Variants in ATP8A1 observed in about 807,000 individuals in gnomAD.
ATP8A1 encodes the protein ATPase phospholipid transporting 8A1, also known as phospholipid-transporting ATPase IA.
A neutral mutation model predicts 177.7 loss-of-function variants in ATP8A1; 90 were observed. The ratio of observed to expected loss-of-function variants is 0.51; its 90% CI spans 0.43 to 0.60. The LOEUF is 0.60. ATP8A1 is among the 20% of genes least tolerant of loss of function. ATP8A1 has a pLI of 0.00. For synonymous variants in ATP8A1, 493 were observed against 485.9 expected, an observed-to-expected ratio of 1.01 and a Z score of -0.19; for missense variants, 1,072 against 1,392.8, an observed-to-expected ratio of 0.77 and a Z score of 3.67.
chr4:42,436,317 G>T (rs1715993539), intron 33 of ATP8A1, among the ~76,000 whole-genome samples: 1 of 74,688 alleles, frequency 1.3e-5, no homozygotes, highest in Non-Finnish European at 2.9e-5. Context: ...CACATTAGAC[G>T]CTCGATCTAC....
At chr4:42,648,496 T>A (rs779824755) in intron 1 of ATP8A1, among the ~76,000 whole-genome samples, 29 of 152,094 alleles carry the variant, frequency 1.9e-4, no homozygotes, top group Non-Finnish European at 3.2e-4. Flanking sequence ...GTAAATAATT[T>A]GAGGAAAAAC....
rs16854542 is a variant in ATP8A1 at position 42,583,486 on chromosome 4, G to T, written c.723-1754C>A. Among the ~76,000 whole-genome samples the T allele has an allele frequency of 9.8e-3, 1,499 of 152,304 alleles. 17 individuals are homozygous for T. The highest frequency in any genetic ancestry group is 0.033 in the African/African-American group (1,380 of 41,562). On this transcript the variant is annotated intron_variant, in intron 9 of 36. Transcript: ENST00000381668. ...AACTGTTCCTTACCCAGCCAATGGG[G>T]TATAATATGGCAACTGTCACCTCAG... is the stretch of plus-strand genomic sequence containing the variant.
At chr4:42,605,026 A>T (rs1473665561) in intron 5 of ATP8A1, among the ~76,000 whole-genome samples, 1 of 152,248 alleles carries the variant, frequency 6.6e-6, no homozygotes, top group African/African-American at 2.4e-5. Flanking sequence ...GAAGAAAGAA[A>T]GACTGACTGT....
intron 20 of ATP8A1, among the ~76,000 whole-genome samples, chr4:42,531,897 C>G (rs541980959): frequency 6.7e-4 from 102 of 152,070 alleles, no homozygotes; most frequent in Non-Finnish European, 1.2e-3. Flanking sequence ...GGTAGGCATT[C>G]AAGACCTGCC....
intron 24 of ATP8A1, among the ~76,000 whole-genome samples, chr4:42,499,222 C>T (rs1301479201): frequency 6.6e-6 from 1 of 152,168 alleles, no homozygotes; most frequent in Non-Finnish European, 1.5e-5. Flanking sequence ...AGCTTGGGAA[C>T]ACTGACTGCA....
chr4:42,509,302 T>G (rs573944914), intron 22 of ATP8A1, among the ~76,000 whole-genome samples: 1 of 152,180 alleles, frequency 6.6e-6, no homozygotes, highest in African/African-American at 2.4e-5. Context: ...CTCGGCCAGA[T>G]AGTTTTACAT....
At chr4:42,462,087 T>C (rs971404615) in intron 27 of ATP8A1, among the ~76,000 whole-genome samples, 8 of 152,148 alleles carry the variant, frequency 5.3e-5, no homozygotes, top group Non-Finnish European at 1.2e-4. Context: ...GCATTCAGTT[T>C]TGTAAGGGAA....
rs114499366 is a variant in ATP8A1 at position 42,520,613 on chromosome 4, C to T, written c.1947+1547G>A. Among the ~76,000 whole-genome samples, 1,200 of 152,048 alleles carry T rather than the reference C, an allele frequency of 7.9e-3. 16 individuals are homozygous for T. The highest frequency in any genetic ancestry group is 0.027 in the African/African-American group (1,130 of 41,480). ...AGGCAAGAGAGACATTGAAATAAGTCAACTGATAACAAGTCTCCTGGTGTG... is the reference window on the plus strand; with the variant it reads ...AGGCAAGAGAGACATTGAAATAAGTTAACTGATAACAAGTCTCCTGGTGTG... On this transcript the variant is annotated intron_variant, in intron 22 of 36. Transcript: ENST00000381668.
rs1357140364 is a variant in ATP8A1 at position 42,408,513 on chromosome 4, A to C, written c.*4403T>G. ...ATAGAAATAATATTACTCAATTTTA[A>C]TAACTATAAAACACAGTGCATCAAA... On this transcript the variant is annotated 3_prime_UTR_variant, in exon 37 of 37. Transcript: ENST00000381668. 1 of 152,228 alleles carries C rather than the reference A, an allele frequency of 6.6e-6. No homozygotes were observed. The highest frequency in any genetic ancestry group is 1.5e-5 in the Non-Finnish European group (1 of 68,036). The allele number at this position is 152,228 out of a possible 1,614,324, so 9.4% of individuals were successfully genotyped here. A position where few individuals can be genotyped will look rare whatever the true frequency, so the allele number is the denominator to read the frequency against.
intron 24 of ATP8A1, among the ~76,000 whole-genome samples, chr4:42,501,311 G>C (rs1723833830): frequency 1.3e-5 from 2 of 152,326 alleles, no homozygotes; most frequent in South Asian, 4.1e-4. Context: ...CATGTGCCAT[G>C]TACTGTGCTA....
intron 27 of ATP8A1, among the ~76,000 whole-genome samples, chr4:42,456,162 CTTAAG>C (rs928800081): frequency 2.4e-4 from 36 of 152,218 alleles, no homozygotes; most frequent in African/African-American, 7.9e-4. Context: ...TATGCATTTT[CTTAAG>C]TTGTCACATA....
chr4:42,567,270 G>A (rs1022145306), intron 15 of ATP8A1, among the ~76,000 whole-genome samples: 4 of 152,166 alleles, frequency 2.6e-5, no homozygotes, highest in African/African-American at 9.7e-5. Flanking sequence ...TGGGCATGGT[G>A]GCTGACACCT....
chr4:42,605,688 C>T (rs570825190), intron 5 of ATP8A1, among the ~76,000 whole-genome samples: 2 of 152,174 alleles, frequency 1.3e-5, no homozygotes, highest in Admixed American at 6.5e-5. Context: ...TTTCTCTCCA[C>T]ATTCAAACTT....
chr4:42,436,919 C>T (rs1400497711), intron 33 of ATP8A1, among the ~76,000 whole-genome samples: 1 of 152,198 alleles, frequency 6.6e-6, no homozygotes, highest in Non-Finnish European at 1.5e-5. Flanking sequence ...TTAGGAAAAT[C>T]ATATCACTAA....
intron 15 of ATP8A1, among the ~76,000 whole-genome samples, chr4:42,559,214 G>A (rs886665053): frequency 6.6e-6 from 1 of 152,032 alleles, no homozygotes; most frequent in Non-Finnish European, 1.5e-5. Flanking sequence ...ACCAACTTCT[G>A]CAAGAAAAGT....
chr4:42,586,753 C>G (rs1733652148), intron 8 of ATP8A1, among the ~76,000 whole-genome samples: 1 of 152,094 alleles, frequency 6.6e-6, no homozygotes, highest in African/African-American at 2.4e-5. Context: ...AGTCAGTCCC[C>G]AAAGAACCAT....
Position 42,546,393 on chromosome 4 carries a change from G to C in ATP8A1, c.1653-2407C>G, listed in dbSNP as rs184881969. 2.3e-3 allele frequency among the ~76,000 whole-genome samples: 316 copies of C among 136,526 alleles called. 1 individual carries two copies. The highest frequency in any genetic ancestry group is 3.9e-3 in the Non-Finnish European group (254 of 64,364). The allele number at this position is 136,526 out of a possible 152,430, so 89.6% of individuals were successfully genotyped here. A position where few individuals can be genotyped will look rare whatever the true frequency, so the allele number is the denominator to read the frequency against. On this transcript the variant is annotated intron_variant, in intron 19 of 36. Transcript: ENST00000381668. ...GGGAATTGAACAATGAGAACACATG[G>C]ACACAGGAAGAGGAACATCACACAC...
chr4:42,446,120 ATAAAT>A (rs1717219314), intron 31 of ATP8A1, among the ~76,000 whole-genome samples: 1 of 148,670 alleles, frequency 6.7e-6, no homozygotes, highest in Non-Finnish European at 1.5e-5. Flanking sequence ...ATAGTTTGAA[ATAAAT>A]TAAAGAAAAA....
chr4:42,646,129 G>A (rs1740506507), intron 1 of ATP8A1, among the ~76,000 whole-genome samples: 1 of 152,224 alleles, frequency 6.6e-6, no homozygotes, highest in African/African-American at 2.4e-5. Context: ...AAAAGCAACT[G>A]TGGGTAAAGT....
Sources: gnomAD v4.1 joint callset for allele counts (sites outside exome capture counted in the v4.1 genomes callset) on GRCh38, gnomAD v4.1.1 for gene constraint, MANE v1.5 for transcripts, NCBI Gene and HGNC (gene_info 2026-07-23, HGNC 2026-07-21) for gene names.